NDUFB5: variants seen among roughly 807,000 people sequenced by gnomAD.
NDUFB5 encodes the protein NADH:ubiquinone oxidoreductase subunit B5, also known as NADH dehydrogenase [ubiquinone] 1 beta subcomplex subunit 5, mitochondrial.
In NDUFB5, 19 loss-of-function variants were observed where a neutral mutation model predicts 19.4. The ratio of observed to expected loss-of-function variants is 0.98; its 90% CI spans 0.68 to 1.43. The LOEUF is 1.43. Ranked by LOEUF, NDUFB5 falls within the 40% of genes most tolerant of loss-of-function variation. NDUFB5 has a pLI of 0.00. For synonymous variants in NDUFB5, 80 were observed against 82.6 expected (o/e 0.97, Z 0.17); for missense variants, 233 against 236.5 (o/e 0.99, Z 0.10).
At chr3:179,616,825 G>T in intron 3 of NDUFB5, 158 bp from the exon 4 acceptor site, 1 of 607,446 alleles carries the variant, frequency 1.6e-6, no homozygotes, top group South Asian at 1.8e-5. Context: ...TTTTCAACCA[G>T]ATTAAAGTGA....
intron 5 of NDUFB5, 92 bp from the exon 6 acceptor site, chr3:179,623,828 C>G: frequency 6.8e-7 from 1 of 1,477,116 alleles, no homozygotes. Context: ...TACATAAAAG[C>G]AGACTCCAGT....
intron 3 of NDUFB5, 39 bp from the exon 4 acceptor site, chr3:179,616,944 C>G: frequency 6.1e-6 from 9 of 1,483,692 alleles, no homozygotes; most frequent in Non-Finnish European, 8.4e-6. Context: ...TTATAAACTC[C>G]TCATGCTAAA....
chr3:179,612,097 G>A (rs1258519647), intron 1 of NDUFB5, among the ~76,000 whole-genome samples: 1 of 151,744 alleles, frequency 6.6e-6, no homozygotes, highest in African/African-American at 2.4e-5. Context: ...GTACAAGCAT[G>A]CACCACCATT....
intron 1 of NDUFB5, among the ~76,000 whole-genome samples, chr3:179,611,583 A>G (rs1239675209): frequency 6.6e-6 from 1 of 151,528 alleles, no homozygotes; most frequent in Admixed American, 6.6e-5. Flanking sequence ...TATTTTTAGT[A>G]GAGACAGGGT....
chr3:179,614,789 T>C (rs1719332437), intron 1 of NDUFB5, 182 bp from the exon 2 acceptor site: 2 of 366,948 alleles, frequency 5.5e-6, no homozygotes, highest in Non-Finnish European at 9.9e-6. Flanking sequence ...AGATGGGTAA[T>C]GTGCCTACCT....
intron 1 of NDUFB5, among the ~76,000 whole-genome samples, chr3:179,611,755 A>G (rs1278059172): frequency 6.6e-6 from 1 of 152,114 alleles, no homozygotes; most frequent in Non-Finnish European, 1.5e-5. Context: ...ATCTTATTCA[A>G]TTCTTATAAA....
At position 179,604,904 on chromosome 3, in the gene NDUFB5, G is replaced by A. The variant is rs1231058432; in HGVS notation, c.89G>A (p.Gly30Glu). 4 of 1,592,126 alleles carry A rather than the reference G, an allele frequency of 2.5e-6. No homozygotes were observed. The highest frequency in any genetic ancestry group is 3.4e-6 in the Non-Finnish European group (4 of 1,173,616). ...GRPLGTRLGF[G>E]GFLTRGFPKA... The stretch of plus-strand genomic sequence containing the variant: ...CCCCTTGGCACTCGCCTCGGATTTG[G>A]GGGCTTCCTCACTCGTGGCTTTCCG... The change falls in exon 1 of 6, where the codon GGG becomes GAG. Residue 30 changes from glycine to glutamate, a missense_variant. Physicochemically the swap from Gly to Glu is moderately conservative, Grantham distance 98. Transcript: ENST00000259037.
At chr3:179,607,850 A>G (rs1719144122) in intron 1 of NDUFB5, 2 of 699,674 alleles carry the variant, frequency 2.9e-6, no homozygotes, top group East Asian at 2.7e-5. Context: ...GTCACTTAGC[A>G]TAATATCCCC....
In NDUFB5 at chr3:179,623,990, A is replaced by T. The variant is rs763235901; in HGVS notation, c.520A>T (p.Ile174Phe). 3.1e-6 allele frequency: 5 copies of T among 1,614,088 alleles called. No individual in the cohort carries two copies. The highest frequency in any genetic ancestry group is 4.2e-6 in the Non-Finnish European group (5 of 1,179,966). The change falls in exon 6 of 6, where the codon ATT (isoleucine) becomes TTT (phenylalanine). Residue 174 changes from isoleucine to phenylalanine, a missense_variant. Transcript: ENST00000259037. ...GDGPWYYYET[I>F]DKELIDHSPK... The stretch of plus-strand genomic sequence containing the variant: ...TGGACCCTGGTATTACTATGAGACA[A>T]TTGACAAGGAACTTATTGATCATTC...
chr3:179,616,504 C>T (rs560904738), intron 3 of NDUFB5, among the ~76,000 whole-genome samples: 6 of 152,038 alleles, frequency 3.9e-5, no homozygotes, highest in South Asian at 2.1e-4. Context: ...ATGGCGCCAT[C>T]GCACTCCAGC....
At chr3:179,618,303 A>T in intron 4 of NDUFB5, 112 bp from the exon 5 acceptor site, 1 of 619,150 alleles carries the variant, frequency 1.6e-6, no homozygotes, top group African/African-American at 1.9e-5. Flanking sequence ...TTAGTTACAT[A>T]GTAGATGTTA....
chr3:179,618,561 C>A, intron 5 of NDUFB5, 40 bp downstream of exon 5: 1 of 1,355,382 alleles, frequency 7.4e-7, no homozygotes, highest in Non-Finnish European at 1.0e-6. Context: ...GAAAATCTTC[C>A]TAAGGTAGCA....
At position 179,626,719 on chromosome 3, in the gene NDUFB5, GA is replaced by G. The variant is rs1379200288; in HGVS notation, c.*2680del. 6.6e-6 allele frequency: 1 copy of G among 152,146 alleles called. No homozygotes were observed. Among genetic ancestry groups the G allele is most frequent in the Non-Finnish European group, 1.5e-5 (1 of 68,070 alleles). The allele number at this position is 152,146 out of a possible 1,614,324, so 9.4% of individuals were successfully genotyped here. A position where few individuals can be genotyped will look rare whatever the true frequency, so the allele number is the denominator to read the frequency against. ...CTAATTTTTTTGTATTTTTAGTAGA[GA>G]GGGGGTGTCACCATGTTGGCCAGGG... On this transcript the variant is annotated 3_prime_UTR_variant, in exon 6 of 6. Coordinates refer to ENST00000259037, the MANE Select transcript of NDUFB5 (RefSeq NM_002492.4).
chr3:179,622,777 T>A (rs1719573048), intron 5 of NDUFB5, among the ~76,000 whole-genome samples: 1 of 152,134 alleles, frequency 6.6e-6, no homozygotes, highest in African/African-American at 2.4e-5. Context: ...CTGGTTGAGG[T>A]TCATAAAGTG....
chr3:179,604,915 A>G lies in NDUFB5; in HGVS notation c.100A>G (p.Thr34Ala). The change falls in exon 1 of 6, where the codon ACT becomes GCT. Residue 34 changes from threonine (T) to alanine (A), a missense_variant. Physicochemically the swap from Thr to Ala is moderately conservative, Grantham distance 58 (BLOSUM62 0). Coordinates refer to ENST00000259037, the MANE Select transcript of NDUFB5 (RefSeq NM_002492.4). The stretch of plus-strand genomic sequence containing the variant: ...TCGCCTCGGATTTGGGGGCTTCCTC[A>G]CTCGTGGCTTTCCGAAGGCTGCTGG... ...GTRLGFGGFLTRGFPKAAAPV... is the reference protein window; with the variant it reads ...GTRLGFGGFLARGFPKAAAPV... 1 of 1,585,666 alleles carries G rather than the reference A, an allele frequency of 6.3e-7. No individual in the cohort carries two copies. Among genetic ancestry groups the G allele is most frequent in the East Asian group, 2.2e-5 (1 of 44,502 alleles).
intron 1 of NDUFB5, among the ~76,000 whole-genome samples, chr3:179,609,499 G>A (rs1007598648): frequency 3.3e-5 from 5 of 152,214 alleles, no homozygotes; most frequent in Admixed American, 1.3e-4. Flanking sequence ...CTGGGGCTAT[G>A]TGTTGAACGA....
At chr3:179,612,512 C>T (rs1488455139) in intron 1 of NDUFB5, among the ~76,000 whole-genome samples, 13 of 137,696 alleles carry the variant, frequency 9.4e-5, no homozygotes, top group African/African-American at 3.3e-4. Context: ...GAGTCTCACT[C>T]TCGCCCAGGT....
intron 5 of NDUFB5, among the ~76,000 whole-genome samples, chr3:179,623,347 G>A (rs1481258143): frequency 2.6e-5 from 4 of 152,184 alleles, no homozygotes; most frequent in Non-Finnish European, 4.4e-5. Flanking sequence ...GAGAGAATTC[G>A]CTATCAATTT....
intron 3 of NDUFB5, among the ~76,000 whole-genome samples, chr3:179,616,463 A>G (rs898968220): frequency 6.6e-6 from 1 of 151,922 alleles, no homozygotes; most frequent in African/African-American, 2.4e-5. Flanking sequence ...AATGGCTTGA[A>G]CCCAGGAGGT....
Sources: allele counts gnomAD v4.1 joint callset (sites outside exome capture counted in the v4.1 genomes callset), GRCh38; gene constraint gnomAD v4.1.1; transcripts MANE v1.5; gene names NCBI Gene and HGNC (gene_info 2026-07-23, HGNC 2026-07-21).